RRAGB: variants seen among roughly 807,000 people sequenced by gnomAD.
RRAGB encodes the protein ras-related GTP-binding protein B.
A neutral mutation model predicts 29.3 loss-of-function variants in RRAGB; 6 were observed. The ratio of observed to expected loss-of-function variants is 0.21; its 90% CI spans 0.11 to 0.40. The LOEUF (loss-of-function observed/expected upper bound fraction) is 0.40, where lower values mean the gene tolerates loss of function less well. Among genes scored for constraint, RRAGB ranks in the 10% least tolerant of loss-of-function variants. The pLI, the probability that RRAGB is intolerant of heterozygous loss-of-function variation, is 1.00. For missense variants in RRAGB, 184 were observed against 272.9 expected, an observed-to-expected ratio of 0.67 and a Z score of 2.29; for synonymous variants, 101 against 92.5, an observed-to-expected ratio of 1.09 and a Z score of -0.53.
At chrX:55,757,589 A>G (rs2034689584) in intron 9 of RRAGB, among the ~76,000 whole-genome samples, 1 of 112,350 alleles carries the variant, frequency 8.9e-6, no homozygotes, top group African/African-American at 3.2e-5. Flanking sequence ...ATAGACTTAT[A>G]TTTTAAAGCT....
intron 9 of RRAGB, 117 bp downstream of exon 9, chrX:55,757,448 A>G (rs1027485584): frequency 5.6e-6 from 2 of 355,144 alleles, no homozygotes; most frequent in Admixed American, 4.4e-5. Flanking sequence ...TGGTTACATA[A>G]CAATGTGAGG....
At position 55,720,099 on chromosome X, in the gene RRAGB, G is replaced by A. The variant is rs376642339; in HGVS notation, c.126+752G>A. ...GTATAAATTAATAACCGAAGGAAAT[G>A]TACCATATTTAGCCTTAGCTTCATC... is the stretch of plus-strand genomic sequence containing the variant. On this transcript the variant is annotated intron_variant, in intron 2 of 9. Coordinates refer to ENST00000374941, the MANE Select transcript of RRAGB (RefSeq NM_006064.5). Among the ~76,000 whole-genome samples, 8 of 112,229 alleles carry A rather than the reference G, an allele frequency of 7.1e-5. No individual in the cohort carries two copies. The South Asian group carries it at 2.9e-3, about 41-fold the overall frequency.
chrX:55,748,871 G>A (rs1167965196), intron 5 of RRAGB, among the ~76,000 whole-genome samples: 1 of 103,354 alleles, frequency 9.7e-6, no homozygotes, highest in Non-Finnish European at 2.0e-5. Flanking sequence ...GAAGTGAGGA[G>A]CCCCTCTGCC....
At chrX:55,755,062 C>T in intron 7 of RRAGB, 1 of 752,118 alleles carries the variant, frequency 1.3e-6, no homozygotes, top group Non-Finnish European at 1.6e-6. Context: ...TTTTGTTTCT[C>T]TTGAGACCAA....
chrX:55,722,716 A>G (rs2033327008), intron 3 of RRAGB, among the ~76,000 whole-genome samples: 1 of 112,152 alleles, frequency 8.9e-6, no homozygotes, highest in South Asian at 3.7e-4. Context: ...TGGGAAGGAA[A>G]GAAGTTAACT....
intron 7 of RRAGB, 41 bp downstream of exon 7, chrX:55,753,555 G>A: frequency 4.4e-6 from 5 of 1,128,797 alleles, no homozygotes; most frequent in Non-Finnish European, 6.0e-6. Flanking sequence ...CACACTGTAC[G>A]TTCTTTGTTT....
At chrX:55,727,794 A>G (rs2033535770) in intron 3 of RRAGB, among the ~76,000 whole-genome samples, 1 of 112,333 alleles carries the variant, frequency 8.9e-6, no homozygotes, top group African/African-American at 3.2e-5. Flanking sequence ...ATTGATTATC[A>G]CAAATTGTAT....
At chrX:55,748,727 G>A (rs1381414629) in intron 5 of RRAGB, among the ~76,000 whole-genome samples, 7 of 111,682 alleles carry the variant, frequency 6.3e-5, no homozygotes, top group South Asian at 7.6e-4. Context: ...CACCCCATCC[G>A]GGAGGGAGGT....
intron 5 of RRAGB, among the ~76,000 whole-genome samples, chrX:55,749,421 G>GC (rs1411846678): frequency 9.6e-6 from 1 of 104,408 alleles, no homozygotes; most frequent in East Asian, 3.2e-4. Context: ...GGGGGGGTCA[G>GC]CCCCCCGCCC....
intron 5 of RRAGB, among the ~76,000 whole-genome samples, chrX:55,738,882 G>A (rs1458092592): frequency 3.6e-5 from 4 of 112,058 alleles, no homozygotes; most frequent in Non-Finnish European, 7.5e-5. Flanking sequence ...GTTTGGGCTG[G>A]GTCAAACAGA....
chrX:55,720,196 T>C (rs183529964), intron 2 of RRAGB, among the ~76,000 whole-genome samples: 1 of 112,177 alleles, frequency 8.9e-6, no homozygotes, highest in African/African-American at 3.2e-5. Context: ...GTTGCTTTCA[T>C]TGAGAATGCC....
At chrX:55,734,599 T>A (rs1056293463) in intron 5 of RRAGB, among the ~76,000 whole-genome samples, 2 of 112,037 alleles carry the variant, frequency 1.8e-5, no homozygotes, top group Non-Finnish European at 3.8e-5. Context: ...TGTATTTTTT[T>A]AATTTATTTT....
At chrX:55,730,669 A>G (rs920068781) in intron 4 of RRAGB, among the ~76,000 whole-genome samples, 1 of 111,855 alleles carries the variant, frequency 8.9e-6, no homozygotes, top group East Asian at 2.8e-4. Context: ...ATATTTGACT[A>G]TTGAGTTATT....
intron 2 of RRAGB, 115 bp from the exon 3 acceptor site, chrX:55,722,071 T>C (rs2033300528): frequency 2.4e-6 from 1 of 414,928 alleles, no homozygotes; most frequent in Admixed American, 3.6e-5. Flanking sequence ...CACCAGGTTG[T>C]TGGTACTGTC....
intron 5 of RRAGB, among the ~76,000 whole-genome samples, chrX:55,740,381 T>C (rs1319141328): frequency 9.0e-6 from 1 of 110,808 alleles, no homozygotes; most frequent in African/African-American, 3.3e-5. Flanking sequence ...ATGACTAGGC[T>C]CAAACACATC....
Position 55,718,288 on chromosome X carries a change from A to G in RRAGB, c.-40A>G, listed in dbSNP as rs1301719570. ...ACAACAACAACAAACCCTGAAGAGT[A>G]CTGAAGATTTAGAAGGGACTGGAAA... On this transcript the variant is annotated 5_prime_UTR_variant, in exon 1 of 10. Coordinates refer to ENST00000374941, the MANE Select transcript of RRAGB (RefSeq NM_006064.5). The G allele has an allele frequency of 5.8e-6, 6 of 1,027,405 alleles. No homozygotes were observed. Among genetic ancestry groups the G allele is most frequent in the Non-Finnish European group, 8.1e-6 (6 of 743,045 alleles). 84.7% of individuals were successfully genotyped at this position (1,027,405 alleles called of 1,213,427 possible).
intron 8 of RRAGB, 122 bp downstream of exon 8, chrX:55,756,054 CA>C (rs2034650111): frequency 2.1e-6 from 1 of 483,667 alleles, no homozygotes; most frequent in African/African-American, 2.4e-5. Context: ...CAATCAAAGA[CA>C]AAGCTAAATT....
At chrX:55,720,870 T>C (rs2033252228) in intron 2 of RRAGB, among the ~76,000 whole-genome samples, 1 of 110,201 alleles carries the variant, frequency 9.1e-6, no homozygotes, top group African/African-American at 3.3e-5. Flanking sequence ...AGAGTGAGAC[T>C]TGGTCTCAAA....
chrX:55,720,951 A>G (rs1438640898), intron 2 of RRAGB, among the ~76,000 whole-genome samples: 2 of 112,075 alleles, frequency 1.8e-5, no homozygotes, highest in Admixed American at 1.9e-4. Context: ...TAAATTCTAG[A>G]TTTGAAAGGA....
Sources: allele counts gnomAD v4.1 joint callset (sites outside exome capture counted in the v4.1 genomes callset), GRCh38; gene constraint gnomAD v4.1.1; transcripts MANE v1.5; gene names NCBI Gene and HGNC (gene_info 2026-07-23, HGNC 2026-07-21).